Variants in PZP observed in about 807,000 individuals in gnomAD.
The protein encoded by PZP is PZP alpha-2-macroglobulin like, also known as pregnancy zone protein.
In PZP, 150 loss-of-function variants were observed where a neutral mutation model predicts 179.8. That is an observed-to-expected ratio of 0.83 (90% CI 0.73 to 0.96). The LOEUF is 0.96. Ranked by LOEUF, PZP falls within the 40% of genes least tolerant of loss-of-function variation. The pLI, the probability that PZP is intolerant of heterozygous loss-of-function variation, is 0.00. For synonymous variants in PZP, 624 were observed against 652.3 expected (o/e 0.96, Z 0.66); for missense variants, 1,689 against 1,764.0 (o/e 0.96, Z 0.76).
chr12:9,164,350 T>A, intron 19 of PZP, 91 bp from the exon 20 acceptor site: 1 of 1,385,614 alleles, frequency 7.2e-7, no homozygotes, highest in Non-Finnish European at 9.8e-7. Flanking sequence ...GATGCTGCAG[T>A]AAATTGGGAT....
Position 9,166,063 on chromosome 12 carries a change from CAACT to C in PZP, c.2243_2246del (p.Glu748GlyfsTer4). 1 of 1,606,360 alleles carries C rather than the reference CAACT, an allele frequency of 6.2e-7. No homozygotes were observed. Among genetic ancestry groups the C allele is most frequent in the African/African-American group, 1.3e-5 (1 of 74,564 alleles). Reference sequence around the variant, plus strand: ...GTAAAGTTACTTACTTCACTGCCACCAACTCCCAGATCCAAGTCTCAGGAAAATA... The same window carrying C: ...GTAAAGTTACTTACTTCACTGCCACCCCCAGATCCAAGTCTCAGGAAAATA... On this transcript the variant is annotated frameshift_variant, in exon 18 of 36. Transcript: ENST00000261336. LOFTEE classifies it high-confidence loss of function.
intron 13 of PZP, among the ~76,000 whole-genome samples, chr12:9,190,588 T>C (rs1943403902): frequency 6.6e-6 from 1 of 152,032 alleles, no homozygotes; most frequent in African/African-American, 2.4e-5. Flanking sequence ...AAAATAATTA[T>C]TGGGTAGTAG....
intron 23 of PZP, among the ~76,000 whole-genome samples, chr12:9,160,705 G>T (rs1477907171): frequency 2.6e-5 from 4 of 152,114 alleles, no homozygotes; most frequent in Non-Finnish European, 4.4e-5. Flanking sequence ...ATGAGGTCAG[G>T]ATATCGAGAC....
At chr12:9,165,992 A>G in intron 18 of PZP, 60 bp downstream of exon 18, 1 of 1,532,876 alleles carries the variant, frequency 6.5e-7, no homozygotes, top group Non-Finnish European at 8.8e-7. Flanking sequence ...TAGAATTGAA[A>G]ATGTTGGAGG....
intron 15 of PZP, among the ~76,000 whole-genome samples, chr12:9,178,575 C>T (rs1220601866): frequency 1.3e-5 from 2 of 152,094 alleles, no homozygotes. Flanking sequence ...ACGGTAAGAA[C>T]GAATCTTCTA....
chr12:9,177,763 A>G (rs759332277), intron 15 of PZP, among the ~76,000 whole-genome samples: 1 of 152,204 alleles, frequency 6.6e-6, no homozygotes, highest in Non-Finnish European at 1.5e-5. Flanking sequence ...TCTCACTTCC[A>G]CAACACTCAA....
chr12:9,169,015 TAGAATATA>T (rs1312514651), intron 16 of PZP, 41 bp from the exon 17 acceptor site: 1 of 1,390,940 alleles, frequency 7.2e-7, no homozygotes, highest in African/African-American at 1.4e-5. Context: ...TAAGCTTGAT[TAGAATATA>T]TAAAACATAT....
At chr12:9,158,730 A>G (rs1342688477) in intron 25 of PZP, among the ~76,000 whole-genome samples, 154 bp from the exon 26 acceptor site, 1 of 139,184 alleles carries the variant, frequency 7.2e-6, no homozygotes, top group Non-Finnish European at 1.6e-5. Flanking sequence ...TAGCTTAGAC[A>G]TCTCTTTTTC....
At position 9,196,667 on chromosome 12, in the gene PZP, T is replaced by A. The variant is rs763541494; in HGVS notation, c.886A>T (p.Ile296Phe). The part of the protein sequence containing the change: ...FSQQLNSNGC[I>F]TQQVHTKMLQ... ...ATTTTGGTGTGTACTTGTTGGGTGA[T>A]GCAGCCATTGCTGTTAAGCTGAGAA... The change falls in exon 9 of 36, where the codon ATC becomes TTC. Residue 296 changes from isoleucine (I) to phenylalanine (F), a missense_variant. Around this residue, in one of 3 missense-constraint regions of PZP, gnomAD observed 742 missense variants for 730.5 expected, o/e 1.02. Coordinates refer to ENST00000261336, the MANE Select transcript of PZP (RefSeq NM_002864.3). 2 of 1,610,800 alleles carry A rather than the reference T, an allele frequency of 1.2e-6. No homozygotes were observed. The highest frequency in any genetic ancestry group is 1.7e-6 in the Non-Finnish European group (2 of 1,176,992).
In PZP at chr12:9,161,045, A is replaced by T; in HGVS notation, c.2860T>A (p.Phe954Ile). ...NVVKESARASFSVLGDILGSA... is the reference protein window; with the variant it reads ...NVVKESARASISVLGDILGSA... ...GAAGGTGACTCACCCAGAACTGAGA[A>T]AGAAGCTCTGGCAGATTCTTTGACC... Residue 954 changes from phenylalanine (F) to isoleucine (I), a missense_variant, in exon 23 of 36, where the codon TTC becomes ATC. Transcript: ENST00000261336. 1 of 1,591,646 alleles carries T rather than the reference A, an allele frequency of 6.3e-7. No individual in the cohort carries two copies. The highest frequency in any genetic ancestry group is 8.6e-7 in the Non-Finnish European group (1 of 1,159,586).
At chr12:9,191,763 C>T (rs1044382724) in intron 13 of PZP, among the ~76,000 whole-genome samples, 7 of 152,140 alleles carry the variant, frequency 4.6e-5, no homozygotes, top group South Asian at 4.2e-4. Context: ...AATCCAATTT[C>T]GTATATAAAG....
intron 20 of PZP, 139 bp downstream of exon 20, chr12:9,163,994 T>A: frequency 7.9e-7 from 1 of 1,263,052 alleles, no homozygotes; most frequent in Non-Finnish European, 1.1e-6. Flanking sequence ...GAGGAGGTCA[T>A]AGTGGATAGA....
intron 28 of PZP, 85 bp downstream of exon 28, chr12:9,157,090 T>A: frequency 7.4e-7 from 1 of 1,353,592 alleles, no homozygotes; most frequent in Non-Finnish European, 1.0e-6. Flanking sequence ...TCTCCGCACC[T>A]CCCAGACAGG....
chr12:9,206,262 A>T (rs1251074728), intron 1 of PZP, among the ~76,000 whole-genome samples: 2 of 151,464 alleles, frequency 1.3e-5, no homozygotes, highest in African/African-American at 4.8e-5. Flanking sequence ...ATATATTTAT[A>T]ATTTATTTAC....
Position 9,169,339 on chromosome 12 carries a change from A to G in PZP, c.2001+91T>C, listed in dbSNP as rs1335396482. On this transcript the variant is annotated intron_variant, in intron 16 of 35. Transcript: ENST00000261336. The stretch of plus-strand genomic sequence containing the variant: ...TGCTGAAAAATGGAGAGGCAAGGCT[A>G]CATAATTACTAAGATTATGAATAGA... 5 of 1,224,118 alleles carry G rather than the reference A, an allele frequency of 4.1e-6. No homozygotes were observed. In the Admixed American group the frequency reaches 1.3e-4, roughly 32 times the overall value. The allele number at this position is 1,224,118 out of a possible 1,614,324, so 75.8% of individuals were successfully genotyped here.
intron 35 of PZP, 129 bp downstream of exon 35, chr12:9,149,432 T>C: frequency 1.1e-6 from 1 of 885,404 alleles, no homozygotes. Flanking sequence ...CAGTTTTGTC[T>C]TGGTGTGAGG....
chr12:9,146,039 A>C (rs1376548181), downstream of PZP, among the ~76,000 whole-genome samples: 2 of 152,076 alleles, frequency 1.3e-5, no homozygotes, highest in Admixed American at 6.6e-5. Flanking sequence ...TTACTTAGTT[A>C]TTTTTGAACC....
chr12:9,199,220 T>C (rs1356769065), intron 7 of PZP, among the ~76,000 whole-genome samples: 1 of 152,208 alleles, frequency 6.6e-6, no homozygotes, highest in African/African-American at 2.4e-5. Flanking sequence ...CTGGATCATT[T>C]ATATTATGTT....
At chr12:9,203,169 A>G (rs1325681905) in intron 2 of PZP, among the ~76,000 whole-genome samples, 2 of 152,196 alleles carry the variant, frequency 1.3e-5, no homozygotes, top group Non-Finnish European at 2.9e-5. Context: ...AGTTACAATC[A>G]AAACTAGAAA....
Sources: allele counts gnomAD v4.1 joint callset (sites outside exome capture counted in the v4.1 genomes callset), GRCh38; gene constraint gnomAD v4.1.1; regional missense constraint gnomAD v4.1.1; transcripts MANE v1.5; gene names NCBI Gene and HGNC (gene_info 2026-07-23, HGNC 2026-07-21).